RBM47: variants seen among roughly 807,000 people sequenced by gnomAD.
RBM47 encodes the protein RNA-binding protein 47.
Under a neutral mutation model 47.1 loss-of-function variants are expected in RBM47, and 21 were observed. The ratio of observed to expected loss-of-function variants is 0.45; its 90% CI spans 0.32 to 0.64. The LOEUF is 0.64. RBM47 is among the 30% of genes least tolerant of loss of function. The pLI, the probability that RBM47 is intolerant of heterozygous loss-of-function variation, is 0.05. For synonymous variants in RBM47, 375 were observed against 361.7 expected, an observed-to-expected ratio of 1.04 and a Z score of -0.42; for missense variants, 708 against 870.9, an observed-to-expected ratio of 0.81 and a Z score of 2.35.
At chr4:40,432,918 G>A in intron 5 of RBM47, 56 bp from the exon 6 acceptor site, 2 of 1,571,594 alleles carry the variant, frequency 1.3e-6, no homozygotes, top group Non-Finnish European at 1.7e-6. Flanking sequence ...GCTGAGTGGG[G>A]TCCAGCACTT....
rs1475404215 is a variant in RBM47, at chr4:40,426,120, G to A, written c.1566C>T (p.Tyr522=). Reference sequence around the variant, plus strand: ...TTCTCTGAACGTTTGGAGCCACCGTGTATACTGGAGTTATTGGGCGGCCCT... The same window carrying A: ...TTCTCTGAACGTTTGGAGCCACCGTATATACTGGAGTTATTGGGCGGCCCT... ...PFQGRPITPV[Y]TVAPNVQRIP... Residue 522 remains tyrosine, a synonymous_variant, in exon 7 of 7, where the codon TAC becomes TAT. Transcript: ENST00000295971. The A allele has an allele frequency of 3.1e-6, 5 of 1,614,064 alleles. No homozygotes were observed. In the Admixed American group the frequency reaches 5.0e-5, roughly 16 times the overall value.
chr4:40,568,143 A>G lies in RBM47; in HGVS notation c.-239-23637T>C, dbSNP rs142628516. On this transcript the variant is annotated intron_variant, in intron 1 of 6. Coordinates refer to ENST00000295971, the MANE Select transcript of RBM47 (RefSeq NM_001098634.2). ...CAAAAAAAAAGTGTTGTCCCAGGCC[A>G]GGCATGGTGGCTCACATGCCACCTG... Among the ~76,000 whole-genome samples, 979 of 151,960 alleles carry G rather than the reference A, an allele frequency of 6.4e-3. 24 individuals are homozygous for G. The highest frequency in any genetic ancestry group is 0.011 in the Non-Finnish European group (762 of 67,842).
At chr4:40,556,692 C>T (rs961887246) in intron 1 of RBM47, among the ~76,000 whole-genome samples, 1 of 151,886 alleles carries the variant, frequency 6.6e-6, no homozygotes, top group Non-Finnish European at 1.5e-5. Flanking sequence ...GAGTTCCAGA[C>T]CAGCCTGGGC....
At chr4:40,460,047 C>A (rs552832588) in intron 3 of RBM47, among the ~76,000 whole-genome samples, 1 of 152,152 alleles carries the variant, frequency 6.6e-6, no homozygotes, top group African/African-American at 2.4e-5. Flanking sequence ...TGAGCCACCA[C>A]GCCTGGCCAG....
chr4:40,547,395 G>A (rs775781641), intron 1 of RBM47, among the ~76,000 whole-genome samples: 2 of 152,184 alleles, frequency 1.3e-5, no homozygotes, highest in African/African-American at 2.4e-5. Context: ...AACACAGACC[G>A]AGGGATGACT....
In RBM47 at chr4:40,437,088, A is replaced by ATAT. The variant is rs1305076952; in HGVS notation, c.1124-442_1124-441insATA. The stretch of plus-strand genomic sequence containing the variant: ...GACCCTGTCTCAAAAAAAAAAAAAA[A>ATAT]AAATATATATATATATATATATAAA... On this transcript the variant is annotated intron_variant, in intron 4 of 6. Coordinates refer to ENST00000295971, the MANE Select transcript of RBM47 (RefSeq NM_001098634.2). 1.1e-3 allele frequency among the ~76,000 whole-genome samples: 59 copies of ATAT among 54,012 alleles called. 10 individuals are homozygous for ATAT. The highest frequency in any genetic ancestry group is 5.7e-3 in the African/African-American group (53 of 9,256). The allele number at this position is 54,012 out of a possible 152,430, so 35.4% of individuals were successfully genotyped here.
intron 3 of RBM47, among the ~76,000 whole-genome samples, chr4:40,463,236 AG>A (rs1717437810): frequency 6.6e-6 from 1 of 152,252 alleles, no homozygotes; most frequent in South Asian, 2.1e-4. Flanking sequence ...GAAAAAATAA[AG>A]AAGACACACA....
intron 2 of RBM47, among the ~76,000 whole-genome samples, chr4:40,538,528 C>T (rs188612059): frequency 1.2e-3 from 181 of 152,146 alleles, no homozygotes; most frequent in African/African-American, 4.0e-3. Flanking sequence ...GGTTTCACTA[C>T]GTTGGCCAGG....
At chr4:40,624,708 A>G (rs922233909) in intron 1 of RBM47, among the ~76,000 whole-genome samples, 3 of 152,212 alleles carry the variant, frequency 2.0e-5, no homozygotes, top group Non-Finnish European at 4.4e-5. Flanking sequence ...AGTTGTAGTT[A>G]CACAAAGGCA....
intron 5 of RBM47, among the ~76,000 whole-genome samples, chr4:40,435,366 T>A (rs1712164508): frequency 6.6e-6 from 1 of 152,034 alleles, no homozygotes. Context: ...CTGGGCAATG[T>A]GGTGAAACCC....
chr4:40,536,766 T>G (rs1449242646), intron 2 of RBM47, among the ~76,000 whole-genome samples: 3 of 151,774 alleles, frequency 2.0e-5, no homozygotes, highest in Non-Finnish European at 2.9e-5. Context: ...CGCTCTGTCA[T>G]CCAGGCTAGA....
intron 2 of RBM47, among the ~76,000 whole-genome samples, chr4:40,480,267 G>A (rs575260398): frequency 1.4e-4 from 22 of 152,078 alleles, no homozygotes; most frequent in South Asian, 8.4e-4. Flanking sequence ...CGTGAGCCAC[G>A]CGCTCAGCCT....
intron 2 of RBM47, among the ~76,000 whole-genome samples, chr4:40,536,590 G>T (rs1004158206): frequency 6.6e-6 from 1 of 152,130 alleles, no homozygotes; most frequent in African/African-American, 2.4e-5. Flanking sequence ...GGTAGGTCCA[G>T]ACCTCTTCCG....
At chr4:40,623,454 T>C (rs1165757848) in intron 1 of RBM47, among the ~76,000 whole-genome samples, 5 of 152,198 alleles carry the variant, frequency 3.3e-5, no homozygotes, top group Non-Finnish European at 5.9e-5. Flanking sequence ...CTGTGATTCA[T>C]TGATATTCAC....
At chr4:40,475,097 C>T (rs747592962) in intron 2 of RBM47, among the ~76,000 whole-genome samples, 30 of 152,048 alleles carry the variant, frequency 2.0e-4, no homozygotes, top group Middle Eastern at 6.8e-3. Flanking sequence ...TACTTTAAAG[C>T]ATATAATCTA....
In RBM47 at chr4:40,436,943, C is replaced by CAA. The variant is rs59347616; in HGVS notation, c.1124-298_1124-297dup. On this transcript the variant is annotated intron_variant, in intron 4 of 6. Transcript: ENST00000295971. ...CTACCCACCACCCCCTCCCCCCCGC[C>CAA]AAAAAAAAAACTGTGGCCAGGTGTG... is the stretch of plus-strand genomic sequence containing the variant. The CAA allele has an allele frequency of 1.1e-3, 419 of 389,550 alleles. 1 individual carries two copies. Among genetic ancestry groups the CAA allele is most frequent in the Middle Eastern group, 2.7e-3 (7 of 2,560 alleles). 24.1% of individuals were successfully genotyped at this position (389,550 alleles called of 1,614,324 possible). A position where few individuals can be genotyped will look rare whatever the true frequency, so the allele number is the denominator to read the frequency against.
intron 2 of RBM47, among the ~76,000 whole-genome samples, chr4:40,517,642 C>G (rs1451714103): frequency 2.6e-5 from 4 of 152,156 alleles, no homozygotes; most frequent in African/African-American, 9.7e-5. Context: ...CTGAAGTCAA[C>G]CAACCACAGA....
chr4:40,623,544 G>A (rs1381792834), intron 1 of RBM47, among the ~76,000 whole-genome samples: 1 of 152,076 alleles, frequency 6.6e-6, no homozygotes, highest in Non-Finnish European at 1.5e-5. Context: ...ATGTTACCCA[G>A]GCTGGAGTGC....
In RBM47 at chr4:40,425,617, A is replaced by G. The variant is rs2154207582; in HGVS notation, c.*287T>C. 1 of 258,682 alleles carries G rather than the reference A, an allele frequency of 3.9e-6. No homozygotes were observed. 16.0% of individuals were successfully genotyped at this position (258,682 alleles called of 1,614,324 possible). A position where few individuals can be genotyped will look rare whatever the true frequency, so the allele number is the denominator to read the frequency against. ...ATATATCCTTAAAAAAACAACAACA[A>G]AAACCTCTATACAAATGTAGTACAG... On this transcript the variant is annotated 3_prime_UTR_variant, in exon 7 of 7. Transcript: ENST00000295971.
Sources: allele counts gnomAD v4.1 joint callset (sites outside exome capture counted in the v4.1 genomes callset), GRCh38; gene constraint gnomAD v4.1.1; transcripts MANE v1.5; gene names NCBI Gene and HGNC (gene_info 2026-07-23, HGNC 2026-07-21).